CFAP77: variants seen among roughly 807,000 people sequenced by gnomAD.
CFAP77 encodes the protein cilia- and flagella-associated protein 77.
CFAP77 carries 25 observed loss-of-function variants against 31.1 expected under a neutral mutation model. That is an observed-to-expected ratio of 0.80 (90% confidence interval 0.59 to 1.12). CFAP77 has a LOEUF of 1.12. Among genes scored for constraint, CFAP77 ranks in the 50% most tolerant of loss-of-function variants. The probability of loss-of-function intolerance (pLI) is 0.00; values close to 1 mark genes in which losing one functional copy is unlikely to be tolerated. For synonymous variants in CFAP77, 151 were observed against 159.9 expected, an observed-to-expected ratio of 0.94 and a Z score of 0.42; for missense variants, 377 against 397.3, an observed-to-expected ratio of 0.95 and a Z score of 0.44.
At chr9:132,561,755 G>A (rs1829814476) in intron 5 of CFAP77, among the ~76,000 whole-genome samples, 2 of 151,906 alleles carry the variant, frequency 1.3e-5, no homozygotes, top group Non-Finnish European at 2.9e-5. Flanking sequence ...CTCCTGCCCT[G>A]CCCTCCCAAC....
At chr9:132,546,179 C>T (rs946927706) in intron 5 of CFAP77, among the ~76,000 whole-genome samples, 1 of 152,186 alleles carries the variant, frequency 6.6e-6, no homozygotes, top group Non-Finnish European at 1.5e-5. Flanking sequence ...TGTTACAGAC[C>T]TGCTGAGCCT....
intron 1 of CFAP77, among the ~76,000 whole-genome samples, chr9:132,412,638 G>A (rs1207457687): frequency 6.7e-6 from 1 of 150,212 alleles, no homozygotes; most frequent in Non-Finnish European, 1.5e-5. Context: ...TTGTTTGTTT[G>A]TTTGTTTTGC....
chr9:132,537,535 CGGTGGGGAGCGGGT>C (rs941859118), intron 3 of CFAP77, 52 bp from the exon 4 acceptor site: 98 of 1,186,700 alleles, frequency 8.3e-5, no homozygotes, highest in Non-Finnish European at 1.0e-4. Context: ...CGGGGGCGGG[CGGTGGGGAGCGGGT>C]GCCTCTGGTC....
chr9:132,437,802 C>T (rs1037830516), intron 1 of CFAP77, among the ~76,000 whole-genome samples: 8 of 151,342 alleles, frequency 5.3e-5, no homozygotes, highest in African/African-American at 9.7e-5. Flanking sequence ...TGAGCCACCG[C>T]GCCCGGCCCA....
At chr9:132,441,814 A>G (rs189690053) in intron 1 of CFAP77, among the ~76,000 whole-genome samples, 70 of 152,288 alleles carry the variant, frequency 4.6e-4, no homozygotes, top group African/African-American at 1.6e-3. Context: ...CTGTTCCTCC[A>G]AGGGTGGCTG....
intron 4 of CFAP77, among the ~76,000 whole-genome samples, chr9:132,538,380 C>T (rs751471009): frequency 6.6e-6 from 1 of 152,180 alleles, no homozygotes; most frequent in Non-Finnish European, 1.5e-5. Context: ...CAGACACTGC[C>T]GATTGCTGGT....
intron 5 of CFAP77, among the ~76,000 whole-genome samples, chr9:132,558,424 T>G (rs1367328427): frequency 2.0e-5 from 3 of 152,196 alleles, no homozygotes; most frequent in Non-Finnish European, 4.4e-5. Flanking sequence ...AGTAATAAAA[T>G]CCAGGTGTGG....
intron 1 of CFAP77, among the ~76,000 whole-genome samples, chr9:132,457,377 C>T (rs1219723569): frequency 6.6e-6 from 1 of 152,150 alleles, no homozygotes; most frequent in African/African-American, 2.4e-5. Context: ...AAAAGTGCAG[C>T]GAGGAATAGC....
intron 4 of CFAP77, among the ~76,000 whole-genome samples, chr9:132,541,649 G>A (rs1370631229): frequency 5.3e-5 from 8 of 152,100 alleles, no homozygotes; most frequent in East Asian, 1.9e-4. Flanking sequence ...GCTTGAACCC[G>A]GGAGCCTAGA....
rs550345818 is a variant in CFAP77, at chr9:132,552,899, T to A, written c.732+9852T>A. Among the ~76,000 whole-genome samples the A allele has an allele frequency of 6.6e-6, 1 of 152,150 alleles. No homozygotes were observed. The highest frequency in any genetic ancestry group is 2.4e-5 in the African/African-American group (1 of 41,426). On this transcript the variant is annotated intron_variant, in intron 5 of 5. Transcript: ENST00000393216. This position sits in a 1 kb window ranked among gnomAD's most constrained non-coding sequence, Gnocchi z 5.5. ...TTCATATGTTTGACATGAGGCATGA[T>A]GGGGCTTTCAAAGGGAAATGTGCAG...
chr9:132,496,654 C>T (rs1442953772), intron 1 of CFAP77, among the ~76,000 whole-genome samples: 3 of 152,188 alleles, frequency 2.0e-5, no homozygotes, highest in Non-Finnish European at 2.9e-5. Context: ...CATGCTACCG[C>T]GGGTACAACC....
intron 3 of CFAP77, among the ~76,000 whole-genome samples, chr9:132,515,714 G>T (rs1255211471): frequency 6.6e-6 from 1 of 152,106 alleles, no homozygotes; most frequent in Non-Finnish European, 1.5e-5. Flanking sequence ...AGAGATGAAG[G>T]CAGAGAGAGG....
intron 1 of CFAP77, among the ~76,000 whole-genome samples, chr9:132,434,326 T>C (rs1019984938): frequency 2.0e-5 from 3 of 152,074 alleles, no homozygotes; most frequent in Non-Finnish European, 4.4e-5. Context: ...ATGTCTGTCC[T>C]TGTGGGTTCC....
chr9:132,486,606 C>T (rs1851563226), intron 1 of CFAP77, among the ~76,000 whole-genome samples: 2 of 152,360 alleles, frequency 1.3e-5, no homozygotes, highest in East Asian at 1.9e-4. Flanking sequence ...CAACCTCTCA[C>T]GTTCGCCTTT....
Position 132,539,252 on chromosome 9 carries a change from T to G in CFAP77, c.630+1546T>G, listed in dbSNP as rs934015566. Among the ~76,000 whole-genome samples the G allele has an allele frequency of 3.3e-5, 5 of 152,170 alleles. No homozygotes were observed. Among genetic ancestry groups the G allele is most frequent in the African/African-American group, 1.2e-4 (5 of 41,434 alleles). On this transcript the variant is annotated intron_variant, in intron 4 of 5. Coordinates refer to ENST00000393216, the MANE Select transcript of CFAP77 (RefSeq NM_001282957.2). This position sits in a 1 kb window ranked among gnomAD's most constrained non-coding sequence, Gnocchi z 4.3. ...TATGTTCACACAGTACTTTATAGAC[T>G]TCATCAAGGCGTGGCTCCGGCGTGG...
At chr9:132,560,114 C>T (rs1224970920) in intron 5 of CFAP77, among the ~76,000 whole-genome samples, 1 of 152,108 alleles carries the variant, frequency 6.6e-6, no homozygotes, top group Non-Finnish European at 1.5e-5. Flanking sequence ...GTGGGTTGTA[C>T]AATCCTAAGA....
chr9:132,541,739 T>C (rs1852646210), intron 4 of CFAP77, among the ~76,000 whole-genome samples: 1 of 151,934 alleles, frequency 6.6e-6, no homozygotes, highest in African/African-American at 2.4e-5. Flanking sequence ...AAAAAACGGG[T>C]AGGGGGGTTT....
At chr9:132,500,284 C>T (rs1851820560) in intron 3 of CFAP77, among the ~76,000 whole-genome samples, 2 of 152,138 alleles carry the variant, frequency 1.3e-5, no homozygotes, top group African/African-American at 4.8e-5. Flanking sequence ...CAAACGTGGA[C>T]TCTGGCCATA....
intron 1 of CFAP77, among the ~76,000 whole-genome samples, chr9:132,430,741 A>C (rs1268165492): frequency 6.6e-6 from 1 of 152,154 alleles, no homozygotes; most frequent in Non-Finnish European, 1.5e-5. Flanking sequence ...TCTTCTGGTC[A>C]TGGCCAAGTA....
Sources: gnomAD v4.1 joint callset for allele counts (sites outside exome capture counted in the v4.1 genomes callset) on GRCh38, gnomAD v4.1.1 for gene constraint, Gnocchi (gnomAD v3.1) non-coding constraint, MANE v1.5 for transcripts, NCBI Gene and HGNC (gene_info 2026-07-23, HGNC 2026-07-21) for gene names.